The following PTPRD variants were observed in gnomAD, a reference collection of about 807,000 sequenced individuals.
PTPRD encodes the protein receptor-type tyrosine-protein phosphatase delta.
In PTPRD, 34 loss-of-function variants were observed where a neutral mutation model predicts 214.5. The ratio of observed to expected loss-of-function variants is 0.16; its 90% confidence interval spans 0.12 to 0.21. The LOEUF is 0.21. PTPRD is among the 10% of genes least tolerant of loss of function. PTPRD has a pLI of 1.00. For synonymous variants in PTPRD, 1,128 were observed against 845.7 expected (o/e 1.33, Z -5.79); for missense variants, 2,545 against 2,398.7 (o/e 1.06, Z -1.27).
At chr9:10,400,071 A>G (rs1184788143) in intron 2 of PTPRD, among the ~76,000 whole-genome samples, 2 of 151,866 alleles carry the variant, frequency 1.3e-5, no homozygotes, top group Non-Finnish European at 2.9e-5. Context: ...TTTATAGAGC[A>G]TAACTCCGAT....
rs1567025230 is a variant in PTPRD at position 8,923,812 on chromosome 9, ACACC to A, written c.-104+94881_-104+94884del. Among the ~76,000 whole-genome samples the A allele has an allele frequency of 2.0e-5, 3 of 152,202 alleles. 1 individual carries two copies. The highest frequency in any genetic ancestry group is 1.5e-5 in the Non-Finnish European group (1 of 68,048). ...GCTCTACGTGCCAGATGGAGGTAAC[ACACC>A]TCGAGTGTAATGGCTTTGAAACAAT... On this transcript the variant is annotated intron_variant, in intron 11 of 45. Coordinates refer to ENST00000381196, the MANE Select transcript of PTPRD (RefSeq NM_002839.4).
intron 12 of PTPRD, among the ~76,000 whole-genome samples, chr9:8,650,481 T>G (rs1289044510): frequency 1.4e-5 from 2 of 145,620 alleles, no homozygotes; most frequent in East Asian, 4.1e-4. Context: ...GCCGAGATCG[T>G]GTCATTGCAC....
intron 14 of PTPRD, among the ~76,000 whole-genome samples, chr9:8,559,332 T>C (rs1370194630): frequency 6.6e-6 from 1 of 152,202 alleles, no homozygotes; most frequent in African/African-American, 2.4e-5. Flanking sequence ...TATTGTACAT[T>C]ATATACAGAT....
intron 10 of PTPRD, among the ~76,000 whole-genome samples, chr9:9,079,180 T>C (rs573079385): frequency 6.6e-6 from 1 of 152,052 alleles, no homozygotes; most frequent in Non-Finnish European, 1.5e-5. Context: ...TTTGTATCCT[T>C]TAACAAATCT....
chr9:10,432,227 A>G (rs1314088151), intron 2 of PTPRD, among the ~76,000 whole-genome samples: 103 of 139,828 alleles, frequency 7.4e-4, no homozygotes, highest in African/African-American at 2.6e-3. Context: ...ATAGGCGGGA[A>G]TTGAACAATG....
Position 9,097,265 on chromosome 9 carries a change from A to G in PTPRD, c.-142-78530T>C, listed in dbSNP as rs766229916. ...AATCTGTCCTGAAAACAAATGCAGT[A>G]TCAGCACTATAATGAGGAGATTCTG... is the stretch of plus-strand genomic sequence containing the variant. On this transcript the variant is annotated intron_variant, in intron 10 of 45. Transcript: ENST00000381196. Among the ~76,000 whole-genome samples, 31 of 152,170 alleles carry G rather than the reference A, an allele frequency of 2.0e-4. 1 individual carries two copies. Among genetic ancestry groups the G allele is most frequent in the Non-Finnish European group, 1.6e-4 (11 of 68,036 alleles).
At chr9:9,897,176 C>G (rs867210875) in intron 5 of PTPRD, among the ~76,000 whole-genome samples, 2 of 150,364 alleles carry the variant, frequency 1.3e-5, no homozygotes, top group Non-Finnish European at 3.0e-5. Context: ...GCTAAACACC[C>G]CCTGGGGGTT....
At chr9:10,460,479 T>C (rs2098950722) in intron 2 of PTPRD, among the ~76,000 whole-genome samples, 1 of 149,388 alleles carries the variant, frequency 6.7e-6, no homozygotes, top group South Asian at 2.1e-4. Context: ...CAAAAGTATA[T>C]TACAAAGCTA....
chr9:9,091,443 A>G (rs954829663), intron 10 of PTPRD, among the ~76,000 whole-genome samples: 2 of 152,204 alleles, frequency 1.3e-5, no homozygotes, highest in African/African-American at 2.4e-5. Flanking sequence ...TTAGTCTTGC[A>G]GATTGTTTCC....
intron 3 of PTPRD, among the ~76,000 whole-genome samples, chr9:10,093,819 G>A (rs2098456511): frequency 6.6e-6 from 1 of 151,382 alleles, no homozygotes; most frequent in South Asian, 2.1e-4. Flanking sequence ...ATTACCATAA[G>A]CAAATTAATG....
intron 2 of PTPRD, among the ~76,000 whole-genome samples, chr9:10,426,855 G>A (rs1018678450): frequency 2.0e-5 from 3 of 152,008 alleles, no homozygotes; most frequent in Non-Finnish European, 4.4e-5. Context: ...GTGTCCACAG[G>A]TTGGCAAAGG....
chr9:10,026,910 C>T (rs2096933886), intron 4 of PTPRD, among the ~76,000 whole-genome samples: 1 of 150,952 alleles, frequency 6.6e-6, no homozygotes, highest in African/African-American at 2.4e-5. Flanking sequence ...AATTGCAACA[C>T]ACCACTAAAC....
chr9:9,592,794 C>T (rs190450981), intron 7 of PTPRD, among the ~76,000 whole-genome samples: 27 of 152,134 alleles, frequency 1.8e-4, no homozygotes, highest in Admixed American at 9.8e-4. Context: ...CCTGTAATCC[C>T]AGCACTTTGG....
intron 10 of PTPRD, among the ~76,000 whole-genome samples, chr9:9,090,446 C>G (rs1343137133): frequency 6.6e-6 from 1 of 152,098 alleles, no homozygotes. Context: ...AGCTGTGTGT[C>G]TTTAATCAGA....
rs549622090 is a variant in PTPRD, at chr9:8,768,750, C to CT, written c.-103-34805dup. On this transcript the variant is annotated intron_variant, in intron 11 of 45. Transcript: ENST00000381196. ...TTCCATAAAGATATAGTCCAAAACC[C>CT]TTCATTGGAAGAAAAATAAACCAAA... is the stretch of plus-strand genomic sequence containing the variant. 1.2e-3 allele frequency among the ~76,000 whole-genome samples: 187 copies of CT among 152,124 alleles called. 1 individual carries two copies. The South Asian group carries it at 0.038, about 31-fold the overall frequency.
At chr9:8,636,002 C>T (rs1253361394) in intron 13 of PTPRD, among the ~76,000 whole-genome samples, 3 of 152,142 alleles carry the variant, frequency 2.0e-5, no homozygotes, top group Non-Finnish European at 4.4e-5. Context: ...CCAACTTCTT[C>T]GATAGGTTTC....
Position 8,745,662 on chromosome 9 carries a change from C to G in PTPRD, c.-103-11716G>C, listed in dbSNP as rs567439142. On this transcript the variant is annotated intron_variant, in intron 11 of 45. Coordinates refer to ENST00000381196, the MANE Select transcript of PTPRD (RefSeq NM_002839.4). ...CGTGCTTGGAAGGAAAAATGATTAA[C>G]CAGTAATAGATTTTCTAAATTCTCA... Among the ~76,000 whole-genome samples, 3 of 152,230 alleles carry G rather than the reference C, an allele frequency of 2.0e-5. 1 individual carries two copies. The highest frequency in any genetic ancestry group is 2.0e-4 in the Admixed American group (3 of 15,290).
At chr9:9,767,280 T>C (rs1354793972) in intron 5 of PTPRD, among the ~76,000 whole-genome samples, 1 of 152,042 alleles carries the variant, frequency 6.6e-6, no homozygotes, top group African/African-American at 2.4e-5. Flanking sequence ...TAATGTTTGT[T>C]CATCAAAAAG....
Position 8,486,520 on chromosome 9 carries a change from T to C in PTPRD, c.2468-171A>G, listed in dbSNP as rs1214635545. On this transcript the variant is annotated intron_variant, in intron 27 of 45. Coordinates refer to ENST00000381196, the MANE Select transcript of PTPRD (RefSeq NM_002839.4). The stretch of plus-strand genomic sequence containing the variant: ...TACCTTTGTGGAAATATGCTCCTTG[T>C]CTTACTTTATTAAAGTAGGCTGAGA... The C allele has an allele frequency of 4.1e-6, 3 of 731,704 alleles. No homozygotes were observed. The Admixed American group carries it at 5.7e-5, about 14-fold the overall frequency. 45.3% of individuals were successfully genotyped at this position (731,704 alleles called of 1,614,324 possible). A position where few individuals can be genotyped will look rare whatever the true frequency, so the allele number is the denominator to read the frequency against.
Sources: gnomAD v4.1 joint callset for allele counts (sites outside exome capture counted in the v4.1 genomes callset) on GRCh38, gnomAD v4.1.1 for gene constraint, MANE v1.5 for transcripts, NCBI Gene and HGNC (gene_info 2026-07-23, HGNC 2026-07-21) for gene names.